Variants in SH3TC1 observed in about 807,000 individuals in gnomAD.
SH3TC1 encodes SH3 domain and tetratricopeptide repeats 1, also known as SH3 domain and tetratricopeptide repeat-containing protein 1.
In SH3TC1, 135 loss-of-function variants were observed where a neutral mutation model predicts 117.3. The observed-to-expected ratio is 1.15, with a 90% CI of 1.00 to 1.33. The LOEUF (loss-of-function observed/expected upper bound fraction) is 1.33. Ranked by LOEUF, SH3TC1 falls within the 40% of genes most tolerant of loss-of-function variation. The probability of loss-of-function intolerance (pLI) is 0.00; values close to 1 mark genes in which losing one functional copy is unlikely to be tolerated. For synonymous variants in SH3TC1, 898 were observed against 816.9 expected (o/e 1.10, Z -1.69); for missense variants, 2,092 against 1,794.3 (o/e 1.17, Z -3.00).
rs144187584 is a variant in SH3TC1, at chr4:8,228,061, C to T, written c.2367C>T (p.Tyr789=). The part of the protein sequence containing the change: ...GTGQALRGPL[Y]TSLAQLYSHH... ...GCCAGGCGCTGCGCGGCCCCCTCTA[C>T]ACCAGCTTGGCCCAGCTGTACAGCC... Residue 789 remains tyrosine (Y), a synonymous_variant, in exon 12 of 18, where the codon TAC becomes TAT. Transcript: ENST00000245105. The T allele has an allele frequency of 2.3e-5, 37 of 1,605,486 alleles. No individual in the cohort carries two copies. Among genetic ancestry groups the T allele is most frequent in the Admixed American group, 5.0e-5 (3 of 59,642 alleles).
At chr4:8,199,133 A>C (rs933580582), upstream of SH3TC1, among the ~76,000 whole-genome samples, 34 of 152,170 alleles carry the variant, frequency 2.2e-4, no homozygotes, top group African/African-American at 8.2e-4. Context: ...CTCGTCCAGG[A>C]AAGAGCTAAT....
intron 6 of SH3TC1, 150 bp from the exon 7 acceptor site, chr4:8,216,807 G>A (rs1443580625): frequency 1.3e-6 from 1 of 740,964 alleles, no homozygotes; most frequent in Non-Finnish European, 2.3e-6. Context: ...CTCTCCTTCT[G>A]AGCCCCTTTG....
rs546044255 is a variant in SH3TC1 at position 8,211,125 on chromosome 4, C to T, written c.247+1303C>T. ...CTCCCCCTCCCATTTTCTTCCCCCTCCTGGTTTCTCCCCTCTACCTCCCTC... is the reference window on the plus strand; with the variant it reads ...CTCCCCCTCCCATTTTCTTCCCCCTTCTGGTTTCTCCCCTCTACCTCCCTC... On this transcript the variant is annotated intron_variant, in intron 3 of 17. Coordinates refer to ENST00000245105, the MANE Select transcript of SH3TC1 (RefSeq NM_018986.5). Among the ~76,000 whole-genome samples, 14 of 113,970 alleles carry T rather than the reference C, an allele frequency of 1.2e-4. No homozygotes were observed. In the East Asian group the frequency reaches 2.5e-3, roughly 20 times the overall value. The allele number at this position is 113,970 out of a possible 152,430, so 74.8% of individuals were successfully genotyped here. A position where few individuals can be genotyped will look rare whatever the true frequency, so the allele number is the denominator to read the frequency against.
rs1717121849 is a variant in SH3TC1 at position 8,183,088 on chromosome 4, G to A, written c.-57+878G>A. On this transcript the variant is annotated intron_variant, in intron 1 of 16. Transcript: ENST00000508641. The surrounding 1 kb of genome is among the most constrained non-coding windows in gnomAD (Gnocchi z 5.4). ...GGATCCATGGCCCCTGGCAAGGGGT[G>A]GGGCCTCTGTGAGCCTCAGTTTCTC... Among the ~76,000 whole-genome samples the A allele has an allele frequency of 6.6e-6, 1 of 152,120 alleles. No individual in the cohort carries two copies. Among genetic ancestry groups the A allele is most frequent in the Admixed American group, 6.5e-5 (1 of 15,270 alleles).
Position 8,183,995 on chromosome 4 carries a change from C to G in SH3TC1, c.-57+1785C>G, listed in dbSNP as rs577812798. 6.6e-6 allele frequency among the ~76,000 whole-genome samples: 1 copy of G among 152,242 alleles called. No individual in the cohort carries two copies. Among genetic ancestry groups the G allele is most frequent in the South Asian group, 2.1e-4 (1 of 4,820 alleles). ...TCGAACTCCTGACCTCATGATCCGC[C>G]CACCTCAGCCTCCCAAAGTGCTGTA... On this transcript the variant is annotated intron_variant, in intron 1 of 16. Coordinates refer to the SH3TC1 transcript ENST00000508641. The surrounding 1 kb of genome is among the most constrained non-coding windows in gnomAD (Gnocchi z 5.4).
Position 8,209,566 on chromosome 4 carries a change from C to G in SH3TC1, c.173-182C>G, listed in dbSNP as rs1252539860. Reference sequence around the variant, plus strand: ...GCTTGTCACAGCATGCTGGGAAGTGCAGGCAGCTTCCCTCCTTGCTGGGCT... The same window carrying G: ...GCTTGTCACAGCATGCTGGGAAGTGGAGGCAGCTTCCCTCCTTGCTGGGCT... On this transcript the variant is annotated intron_variant, in intron 2 of 17. Transcript: ENST00000245105. The surrounding 1 kb of genome is among the most constrained non-coding windows in gnomAD (Gnocchi z 5.9). The G allele has an allele frequency of 2.2e-6, 3 of 1,394,166 alleles. No homozygotes were observed. Among genetic ancestry groups the G allele is most frequent in the Non-Finnish European group, 2.9e-6 (3 of 1,021,774 alleles). The allele number at this position is 1,394,166 out of a possible 1,614,324, so 86.4% of individuals were successfully genotyped here.
chr4:8,237,629 G>A lies in SH3TC1; in HGVS notation c.3712G>A (p.Val1238Met). Residue 1238 changes from valine (V) to methionine (M), a missense_variant, in exon 17 of 18, where the codon GTG becomes ATG. Coordinates refer to ENST00000245105, the MANE Select transcript of SH3TC1 (RefSeq NM_018986.5). ...FDEETLYYVK[V>M]YLVLGDIIFY... ...CGAGGAGACCCTCTACTACGTGAAG[G>A]TGTACCTGGTGCTCGGTGACATCAT... 1 of 1,611,306 alleles carries A rather than the reference G, an allele frequency of 6.2e-7. No homozygotes were observed. The highest frequency in any genetic ancestry group is 8.5e-7 in the Non-Finnish European group (1 of 1,178,912).
rs1720421273 is a variant in SH3TC1 at position 8,225,944 on chromosome 4, C to T, written c.1285+728C>T. Reference sequence around the variant, plus strand: ...AGCAAATGCGAGTGACTCCAGCTGCCCCCAAGGCCAGGGTAATAGCTGGGA... The same window carrying T: ...AGCAAATGCGAGTGACTCCAGCTGCTCCCAAGGCCAGGGTAATAGCTGGGA... On this transcript the variant is annotated intron_variant, in intron 11 of 17. Transcript: ENST00000245105. This position sits in a 1 kb window ranked among gnomAD's most constrained non-coding sequence, Gnocchi z 5.5. Among the ~76,000 whole-genome samples the T allele has an allele frequency of 6.6e-6, 1 of 152,074 alleles. No homozygotes were observed. Among genetic ancestry groups the T allele is most frequent in the South Asian group, 2.1e-4 (1 of 4,810 alleles).
rs1014480700 is a variant in SH3TC1, at chr4:8,235,344, G to A, written c.3283-89G>A. Reference sequence around the variant, plus strand: ...TCAGTTGCACCTGCAGTGTGTGAGAGGAAGGAGGCTGGGCGGGGGAGTCCG... The same window carrying A: ...TCAGTTGCACCTGCAGTGTGTGAGAAGAAGGAGGCTGGGCGGGGGAGTCCG... On this transcript the variant is annotated intron_variant, in intron 14 of 17. Transcript: ENST00000245105. 9 of 1,386,578 alleles carry A rather than the reference G, an allele frequency of 6.5e-6. No individual in the cohort carries two copies. In the East Asian group the frequency reaches 1.3e-4, roughly 20 times the overall value. 85.9% of individuals were successfully genotyped at this position (1,386,578 alleles called of 1,614,324 possible).
chr4:8,230,638 ATTC>A lies in SH3TC1; in HGVS notation c.2951-1332_2951-1330del, dbSNP rs1282972257. Among the ~76,000 whole-genome samples, 4 of 151,928 alleles carry A rather than the reference ATTC, an allele frequency of 2.6e-5. No individual in the cohort carries two copies. In the East Asian group the frequency reaches 7.7e-4, roughly 29 times the overall value. ...CTTTTACTCGCTTTGGGTTTAGTTCATTCTTCTTTTTCTAGTTTCTTAAGGTGG... is the reference window on the plus strand; with the variant it reads ...CTTTTACTCGCTTTGGGTTTAGTTCATTCTTTTTCTAGTTTCTTAAGGTGG... On this transcript the variant is annotated intron_variant, in intron 12 of 17. Coordinates refer to ENST00000245105, the MANE Select transcript of SH3TC1 (RefSeq NM_018986.5).
At chr4:8,229,626 G>A (rs1720941586) in intron 12 of SH3TC1, among the ~76,000 whole-genome samples, 1 of 151,894 alleles carries the variant, frequency 6.6e-6, no homozygotes, top group Non-Finnish European at 1.5e-5. Context: ...CTCTGCTGGA[G>A]AGCTAAGCAG....
chr4:8,236,077 G>C (rs979496927), intron 15 of SH3TC1: 1 of 631,260 alleles, frequency 1.6e-6, no homozygotes, highest in Non-Finnish European at 2.6e-6. Context: ...AGGCTGCCGG[G>C]TGTAGCTGGA....
chr4:8,223,291 C>G (rs1472202799), intron 10 of SH3TC1, among the ~76,000 whole-genome samples: 1 of 152,258 alleles, frequency 6.6e-6, no homozygotes. Context: ...AATTTGCCAG[C>G]CCTGAGGGCT....
At chr4:8,232,905 C>G in intron 13 of SH3TC1, 1 of 1,200,726 alleles carries the variant, frequency 8.3e-7, no homozygotes. Flanking sequence ...CACCTAGGAG[C>G]TTGTGGCAAG....
In SH3TC1 at chr4:8,227,451, C is replaced by G. The variant is rs777629373; in HGVS notation, c.1757C>G (p.Ala586Gly). The G allele has an allele frequency of 1.9e-6, 3 of 1,562,338 alleles. No individual in the cohort carries two copies. In the African/African-American group the frequency reaches 4.1e-5, roughly 21 times the overall value. ...CAGGCCCGGGTGTACTTTGAGGAAG[C>G]GCTGGGGGCCCTGGAGGGCAGCTTC... is the stretch of plus-strand genomic sequence containing the variant. ...LSQARVYFEEALGALEGSFGD... is the reference protein window; with the variant it reads ...LSQARVYFEEGLGALEGSFGD... Residue 586 changes from alanine (A) to glycine (G), a missense_variant, in exon 12 of 18, where the codon GCG (alanine) becomes GGG (glycine). Transcript: ENST00000245105.
rs1004650878 is a variant in SH3TC1, at chr4:8,227,496, T to A, written c.1802T>A (p.Val601Glu). Reference protein sequence around the residue: ...EGSFGDLFLVVAVYANLASIY... With the variant: ...EGSFGDLFLVEAVYANLASIY... ...AGCTTCGGGGACCTGTTCCTAGTGG[T>A]GGCTGTGTACGCCAACCTGGCCAGC... Residue 601 changes from valine to glutamate, a missense_variant, in exon 12 of 18, where the codon GTG becomes GAG. Physicochemically the swap from Val to Glu is moderately radical, Grantham distance 121. Coordinates refer to ENST00000245105, the MANE Select transcript of SH3TC1 (RefSeq NM_018986.5). The A allele has an allele frequency of 2.6e-6, 4 of 1,559,602 alleles. No individual in the cohort carries two copies. The highest frequency in any genetic ancestry group is 1.7e-4 in the Middle Eastern group (1 of 5,778).
At position 8,205,633 on chromosome 4, in the gene SH3TC1, C is replaced by T. The variant is rs1041267183; in HGVS notation, c.172+267C>T. ...ATAACAAAACTGGCAAAGAACGAGG[C>T]AGGGGCCTTTGAACCCCCATGTTCA... is the stretch of plus-strand genomic sequence containing the variant. On this transcript the variant is annotated intron_variant, in intron 2 of 17. Coordinates refer to ENST00000245105, the MANE Select transcript of SH3TC1 (RefSeq NM_018986.5). This position sits in a 1 kb window ranked among gnomAD's most constrained non-coding sequence, Gnocchi z 5.4. 5.2e-6 allele frequency: 4 copies of T among 767,196 alleles called. No homozygotes were observed. The highest frequency in any genetic ancestry group is 1.7e-5 in the Admixed American group (1 of 58,994). 47.5% of individuals were successfully genotyped at this position (767,196 alleles called of 1,614,324 possible).
At chr4:8,238,710 C>T (rs1032736797) in intron 17 of SH3TC1, among the ~76,000 whole-genome samples, 10 of 152,156 alleles carry the variant, frequency 6.6e-5, no homozygotes, top group Non-Finnish European at 1.0e-4. Context: ...CCCAGAGGGA[C>T]GCTGCTCACT....
intron 17 of SH3TC1, among the ~76,000 whole-genome samples, chr4:8,240,046 T>C (rs540702593): frequency 6.6e-6 from 1 of 152,266 alleles, no homozygotes; most frequent in East Asian, 1.9e-4. Context: ...AGCTTGGGTC[T>C]TAGAGAGGTC....
Sources: gnomAD v4.1 joint callset for allele counts (sites outside exome capture counted in the v4.1 genomes callset) on GRCh38, gnomAD v4.1.1 for gene constraint, Gnocchi (gnomAD v3.1) non-coding constraint, MANE v1.5 for transcripts, NCBI Gene and HGNC (gene_info 2026-07-23, HGNC 2026-07-21) for gene names.